IQCH: variants seen among roughly 807,000 people sequenced by gnomAD.
IQCH encodes IQ motif containing H.
Under a neutral mutation model 117.0 loss-of-function variants are expected in IQCH, and 98 were observed. That is an observed-to-expected ratio of 0.84 (90% CI 0.71 to 0.99). IQCH has a LOEUF of 0.99. Ranked by LOEUF, IQCH falls within the 50% of genes least tolerant of loss-of-function variation. The pLI is 0.00. For missense variants in IQCH, 1,102 were observed against 1,243.8 expected, an observed-to-expected ratio of 0.89 and a Z score of 1.72; for synonymous variants, 412 against 448.2, an observed-to-expected ratio of 0.92 and a Z score of 1.02.
chr15:67,257,048 A>G (rs1223494893), intron 1 of IQCH, among the ~76,000 whole-genome samples: 1 of 152,210 alleles, frequency 6.6e-6, no homozygotes, highest in Non-Finnish European at 1.5e-5. Flanking sequence ...TTTCCCTCAG[A>G]CAGGCTACCA....
At chr15:67,297,191 G>A (rs1357780098) in intron 4 of IQCH, among the ~76,000 whole-genome samples, 1 of 152,060 alleles carries the variant, frequency 6.6e-6, no homozygotes, top group Non-Finnish European at 1.5e-5. Context: ...AGCATAGAAT[G>A]TTAGAGCTGA....
In IQCH at chr15:67,490,606, T is replaced by A. The variant is rs1438015762; in HGVS notation, c.2861+542T>A. The stretch of plus-strand genomic sequence containing the variant: ...GGTAAGATTTAGATTTAACAACATA[T>A]TATACCCAAATGCATACACAGATAA... On this transcript the variant is annotated intron_variant, in intron 19 of 20. Coordinates refer to ENST00000335894, the MANE Select transcript of IQCH (RefSeq NM_001031715.3). The surrounding 1 kb of genome is among the most constrained non-coding windows in gnomAD (Gnocchi z 4.9). 6.6e-6 allele frequency among the ~76,000 whole-genome samples: 1 copy of A among 152,204 alleles called. No individual in the cohort carries two copies. Among genetic ancestry groups the A allele is most frequent in the Non-Finnish European group, 1.5e-5 (1 of 68,038 alleles).
At chr15:67,317,023 C>T (rs1002857346) in intron 4 of IQCH, among the ~76,000 whole-genome samples, 26 of 152,146 alleles carry the variant, frequency 1.7e-4, no homozygotes, top group Non-Finnish European at 2.2e-4. Flanking sequence ...AGGACTAGAA[C>T]AAGAAGATGA....
chr15:67,391,330 C>A lies in IQCH; in HGVS notation c.1632+2324C>A, dbSNP rs906572903. Among the ~76,000 whole-genome samples the A allele has an allele frequency of 3.3e-5, 5 of 152,122 alleles. No individual in the cohort carries two copies. Among genetic ancestry groups the A allele is most frequent in the African/African-American group, 1.2e-4 (5 of 41,430 alleles). On this transcript the variant is annotated intron_variant, in intron 12 of 20. Transcript: ENST00000335894. The surrounding 1 kb of genome is among the most constrained non-coding windows in gnomAD (Gnocchi z 4.3). ...TTAAATTCTCACTTTCAAATCAGTT[C>A]TTGTTCATGTTTGGTAGTTGCTTTA...
rs933728942 is a variant in IQCH at position 67,496,602 on chromosome 15, T to C, written c.2970+2236T>C. 3.3e-5 allele frequency among the ~76,000 whole-genome samples: 5 copies of C among 152,096 alleles called. No individual in the cohort carries two copies. The highest frequency in any genetic ancestry group is 4.8e-5 in the African/African-American group (2 of 41,402). On this transcript the variant is annotated intron_variant, in intron 20 of 20. Transcript: ENST00000335894. This position sits in a 1 kb window ranked among gnomAD's most constrained non-coding sequence, Gnocchi z 4.4. ...GCCCCCACCTGTAATCCCAGCACTT[T>C]GGGAGGCCAAGGTGGGAGGATTACT...
At chr15:67,311,594 T>C (rs1296449140) in intron 4 of IQCH, among the ~76,000 whole-genome samples, 1 of 148,488 alleles carries the variant, frequency 6.7e-6, no homozygotes, top group African/African-American at 2.4e-5. Flanking sequence ...TTATATAATA[T>C]ATAATGTAAG....
chr15:67,307,798 C>A (rs1385611326), intron 4 of IQCH, among the ~76,000 whole-genome samples: 1 of 152,086 alleles, frequency 6.6e-6, no homozygotes, highest in Non-Finnish European at 1.5e-5. Context: ...AGTCAGCATC[C>A]TTTCAGGCTA....
In IQCH at chr15:67,336,955, A is replaced by G. The variant is rs368915314; in HGVS notation, c.388-20A>G. ...TGTGAAGGCAAAAATGTTTGCTGAAACAAATTTTTTATTATCTAGATAAAG... is the reference window on the plus strand; with the variant it reads ...TGTGAAGGCAAAAATGTTTGCTGAAGCAAATTTTTTATTATCTAGATAAAG... On this transcript the variant is annotated intron_variant, in intron 4 of 20. Coordinates refer to ENST00000335894, the MANE Select transcript of IQCH (RefSeq NM_001031715.3). 1 of 1,611,750 alleles carries G rather than the reference A, an allele frequency of 6.2e-7. No homozygotes were observed.
Position 67,490,315 on chromosome 15 carries a change from C to T in IQCH, c.2861+251C>T, listed in dbSNP as rs948192840. On this transcript the variant is annotated intron_variant, in intron 19 of 20. Coordinates refer to ENST00000335894, the MANE Select transcript of IQCH (RefSeq NM_001031715.3). The surrounding 1 kb of genome is among the most constrained non-coding windows in gnomAD (Gnocchi z 4.9). ...CCACCTCCCGGGTTCAAGCGATTCT[C>T]CTGCCTCAGCCTCCCAAGTAGCTGG... 6.6e-6 allele frequency among the ~76,000 whole-genome samples: 1 copy of T among 152,168 alleles called. No homozygotes were observed. The highest frequency in any genetic ancestry group is 1.5e-5 in the Non-Finnish European group (1 of 68,022).
At chr15:67,469,244 G>C (rs1686252271) in intron 17 of IQCH, among the ~76,000 whole-genome samples, 1 of 152,060 alleles carries the variant, frequency 6.6e-6, no homozygotes, top group South Asian at 2.1e-4. Flanking sequence ...GGGATCATGA[G>C]TTCTGATCTT....
At chr15:67,292,455 G>A (rs965584757) in intron 4 of IQCH, among the ~76,000 whole-genome samples, 1 of 152,018 alleles carries the variant, frequency 6.6e-6, no homozygotes, top group African/African-American at 2.4e-5. Context: ...GCAAGGTTTT[G>A]TTGCCCAGGC....
intron 4 of IQCH, among the ~76,000 whole-genome samples, chr15:67,322,045 A>T (rs547756398): frequency 1.4e-4 from 22 of 152,338 alleles, no homozygotes; most frequent in Admixed American, 2.0e-4. Flanking sequence ...CCAATTACTG[A>T]GAAGAGGCTT....
chr15:67,280,153 T>A (rs1284841333), intron 4 of IQCH, among the ~76,000 whole-genome samples: 1 of 152,248 alleles, frequency 6.6e-6, no homozygotes, highest in Non-Finnish European at 1.5e-5. Context: ...TTTCTAGAAT[T>A]TCATTTTATA....
intron 4 of IQCH, among the ~76,000 whole-genome samples, chr15:67,335,188 G>A (rs1424374123): frequency 6.6e-6 from 1 of 152,178 alleles, no homozygotes; most frequent in East Asian, 1.9e-4. Context: ...TGTGATGAAT[G>A]TGCTGATTGC....
intron 4 of IQCH, among the ~76,000 whole-genome samples, chr15:67,284,719 T>C (rs1966495546): frequency 6.6e-6 from 1 of 152,210 alleles, no homozygotes; most frequent in African/African-American, 2.4e-5. Context: ...TGGTATTTTC[T>C]GTTCCTGCAT....
At chr15:67,435,640 A>G (rs1383265716) in intron 16 of IQCH, among the ~76,000 whole-genome samples, 1 of 152,168 alleles carries the variant, frequency 6.6e-6, no homozygotes, top group Non-Finnish European at 1.5e-5. Flanking sequence ...TGGGAGGCTG[A>G]GGCAGGTGGA....
chr15:67,496,177 T>G lies in IQCH; in HGVS notation c.2970+1811T>G, dbSNP rs749897523. 6.6e-6 allele frequency among the ~76,000 whole-genome samples: 1 copy of G among 151,246 alleles called. No individual in the cohort carries two copies. The highest frequency in any genetic ancestry group is 1.5e-5 in the Non-Finnish European group (1 of 67,744). On this transcript the variant is annotated intron_variant, in intron 20 of 20. Transcript: ENST00000335894. This position sits in a 1 kb window ranked among gnomAD's most constrained non-coding sequence, Gnocchi z 4.4. The stretch of plus-strand genomic sequence containing the variant: ...ACAAAAATTACAAAAATTAGCCAGG[T>G]GTGGTGGCTCATGCCTGTAGTCCCA...
intron 1 of IQCH, among the ~76,000 whole-genome samples, chr15:67,259,552 G>A (rs1390385971): frequency 6.6e-6 from 1 of 152,214 alleles, no homozygotes; most frequent in African/African-American, 2.4e-5. Context: ...ACAACACTAT[G>A]ATGAAATATC....
At chr15:67,497,402 G>A (rs2083849430) in intron 20 of IQCH, among the ~76,000 whole-genome samples, 1 of 152,048 alleles carries the variant, frequency 6.6e-6, no homozygotes, top group South Asian at 2.1e-4. Context: ...GTATACAAAA[G>A]ACAATTATAT....
Sources: gnomAD v4.1 joint callset for allele counts (sites outside exome capture counted in the v4.1 genomes callset) on GRCh38, gnomAD v4.1.1 for gene constraint, Gnocchi (gnomAD v3.1) non-coding constraint, MANE v1.5 for transcripts, NCBI Gene and HGNC (gene_info 2026-07-23, HGNC 2026-07-21) for gene names.